Variants in CTCF observed in about 807,000 individuals in gnomAD.
CTCF encodes the protein transcriptional repressor CTCF.
CTCF carries 7 observed loss-of-function variants against 72.3 expected under a neutral mutation model. That is an observed-to-expected ratio of 0.10 (90% CI 0.06 to 0.18). The LOEUF is 0.18. CTCF is among the 10% of genes least tolerant of loss of function. CTCF has a pLI of 1.00. For missense variants in CTCF, 516 were observed against 949.1 expected (o/e 0.54, Z 6.00); for synonymous variants, 374 against 315.8 (o/e 1.18, Z -1.95).
chr16:67,627,140 T>G (rs1049087688), intron 8 of CTCF: 1 of 153,118 alleles, frequency 6.5e-6, no homozygotes, highest in African/African-American at 2.4e-5. Flanking sequence ...ACACCTGTAA[T>G]CCTAGCACTT....
chr16:67,566,515 T>TAAAAAAAAAA (rs377253111), intron 1 of CTCF, among the ~76,000 whole-genome samples: 1 of 76,274 alleles, frequency 1.3e-5, no homozygotes, highest in Non-Finnish European at 2.5e-5. Flanking sequence ...GTCTCAAAAT[T>TAAAAAAAAAA]AAAAAAAAAA....
At chr16:67,621,358 A>G (rs949272959) in intron 6 of CTCF, 84 bp from the exon 7 acceptor site, 157 of 991,146 alleles carry the variant, frequency 1.6e-4, no homozygotes, top group Non-Finnish European at 2.4e-4. Context: ...GTGGTGTAGC[A>G]TATCTGCCAC....
chr16:67,633,651 T>C (rs932979799), intron 10 of CTCF, among the ~76,000 whole-genome samples: 6 of 152,068 alleles, frequency 3.9e-5, no homozygotes, highest in Non-Finnish European at 5.9e-5. Flanking sequence ...AAGCCTGTAA[T>C]CCTAACACTT....
intron 7 of CTCF, among the ~76,000 whole-genome samples, chr16:67,623,634 A>G (rs2052234523): frequency 6.8e-6 from 1 of 147,936 alleles, no homozygotes; most frequent in Admixed American, 6.7e-5. Flanking sequence ...CCCCATCTCA[A>G]AAAAAAAAAA....
intron 2 of CTCF, among the ~76,000 whole-genome samples, chr16:67,571,859 A>G (rs574310479): frequency 1.4e-4 from 22 of 152,300 alleles, no homozygotes; most frequent in African/African-American, 5.1e-4. Flanking sequence ...ATAAAATATA[A>G]TGGACATTAT....
In CTCF at chr16:67,566,745, A is replaced by G. The variant is rs770377546; in HGVS notation, c.-127+4021A>G. Among the ~76,000 whole-genome samples the G allele has an allele frequency of 2.0e-5, 3 of 150,976 alleles. No individual in the cohort carries two copies. The East Asian group carries it at 6.0e-4, about 30-fold the overall frequency. On this transcript the variant is annotated intron_variant, in intron 1 of 11. Coordinates refer to ENST00000264010, the MANE Select transcript of CTCF (RefSeq NM_006565.4). ...CAGGCGCCTGCCACCACGCCTGGCT[A>G]ATTTTTTGTATTTTTAGTAGAGACG...
intron 2 of CTCF, among the ~76,000 whole-genome samples, chr16:67,606,373 C>T (rs2051973316): frequency 6.6e-6 from 1 of 152,206 alleles, no homozygotes; most frequent in African/African-American, 2.4e-5. Context: ...TCTATCACAC[C>T]TGGTTATGTT....
chr16:67,586,091 A>G (rs1471648687), intron 2 of CTCF, among the ~76,000 whole-genome samples: 3 of 152,140 alleles, frequency 2.0e-5, no homozygotes, highest in African/African-American at 7.2e-5. Flanking sequence ...ACTTGTTTTA[A>G]TCATCTTGGT....
chr16:67,586,620 C>T (rs924712046), intron 2 of CTCF, among the ~76,000 whole-genome samples: 4 of 151,892 alleles, frequency 2.6e-5, no homozygotes, highest in Admixed American at 2.6e-4. Context: ...CTTGAACCCC[C>T]TGGGAGGTGG....
Position 67,607,480 on chromosome 16 carries a change from A to G in CTCF, c.-9-3344A>G, listed in dbSNP as rs542976782. ...ACCACTACGCCTGGCTAATTTTTGTATTTTTAGTAGAGATGGGGTTTTGCC... is the reference window on the plus strand; with the variant it reads ...ACCACTACGCCTGGCTAATTTTTGTGTTTTTAGTAGAGATGGGGTTTTGCC... On this transcript the variant is annotated intron_variant, in intron 2 of 11. Coordinates refer to ENST00000264010, the MANE Select transcript of CTCF (RefSeq NM_006565.4). Among the ~76,000 whole-genome samples the G allele has an allele frequency of 6.0e-5, 9 of 150,970 alleles. No homozygotes were observed. In the South Asian group the frequency reaches 1.7e-3, roughly 28 times the overall value.
intron 2 of CTCF, among the ~76,000 whole-genome samples, chr16:67,590,264 A>G (rs2051723319): frequency 6.6e-6 from 1 of 152,026 alleles, no homozygotes; most frequent in Non-Finnish European, 1.5e-5. Flanking sequence ...GCCATTACAA[A>G]TATTTTATTA....
At chr16:67,625,893 A>G (rs1259818003) in intron 7 of CTCF, among the ~76,000 whole-genome samples, 1 of 146,666 alleles carries the variant, frequency 6.8e-6, no homozygotes, top group Non-Finnish European at 1.5e-5. Context: ...AATGACCCCA[A>G]CAGCTACCTG....
At chr16:67,562,908 C>A (rs1479212787) in intron 1 of CTCF, among the ~76,000 whole-genome samples, 184 bp downstream of exon 1, 3 of 129,860 alleles carry the variant, frequency 2.3e-5, no homozygotes, top group African/African-American at 9.5e-5. Flanking sequence ...GCCCGGCCGC[C>A]CCCCCCACCC....
intron 10 of CTCF, among the ~76,000 whole-genome samples, chr16:67,629,916 A>G (rs544617150): frequency 1.9e-4 from 28 of 150,458 alleles, no homozygotes; most frequent in Admixed American, 4.0e-4. Context: ...CTGTGACTAC[A>G]GGCGCCCACC....
chr16:67,625,849 T>A lies in CTCF; in HGVS notation c.1358-706T>A, dbSNP rs559951916. 2.5e-5 allele frequency among the ~76,000 whole-genome samples: 3 copies of A among 118,144 alleles called. No homozygotes were observed. In the East Asian group the frequency reaches 8.7e-4, roughly 34 times the overall value. The allele number at this position is 118,144 out of a possible 152,430, so 77.5% of individuals were successfully genotyped here. A position where few individuals can be genotyped will look rare whatever the true frequency, so the allele number is the denominator to read the frequency against. The stretch of plus-strand genomic sequence containing the variant: ...CCTGAAAATAACACATACAACTTGG[T>A]CTTAAGCCCTCTTCCACTATTCTTG... On this transcript the variant is annotated intron_variant, in intron 7 of 11. Transcript: ENST00000264010.
chr16:67,636,724 TGAG>T lies in CTCF; in HGVS notation c.1879_1881del (p.Glu627del), dbSNP rs1185128485. The T allele has an allele frequency of 6.2e-7, 1 of 1,609,778 alleles. No individual in the cohort carries two copies. The highest frequency in any genetic ancestry group is 2.2e-5 in the East Asian group (1 of 44,638). On this transcript the variant is annotated inframe_deletion, in exon 11 of 12. Transcript: ENST00000264010. ...AACCAGATCTGGACGACAATGAGGA[TGAG>T]GAGGAGCCTGCCGTAGAAATTGAAC...
intron 2 of CTCF, among the ~76,000 whole-genome samples, chr16:67,602,928 G>C (rs138878270): frequency 6.6e-6 from 1 of 152,022 alleles, no homozygotes; most frequent in South Asian, 2.1e-4. Context: ...AATTCTGTGG[G>C]TCAAGGGTGG....
At chr16:67,574,025 A>G (rs1187483150) in intron 2 of CTCF, among the ~76,000 whole-genome samples, 1 of 151,586 alleles carries the variant, frequency 6.6e-6, no homozygotes, top group Non-Finnish European at 1.5e-5. Context: ...GCGAGACTCC[A>G]TCTCAAAAAA....
intron 10 of CTCF, among the ~76,000 whole-genome samples, chr16:67,630,565 G>A (rs2052349603): frequency 6.6e-6 from 1 of 152,004 alleles, no homozygotes; most frequent in Non-Finnish European, 1.5e-5. Flanking sequence ...GACCAGCCTG[G>A]GGAACATGGC....
Sources: gnomAD v4.1 joint callset for allele counts (sites outside exome capture counted in the v4.1 genomes callset) on GRCh38, gnomAD v4.1.1 for gene constraint, MANE v1.5 for transcripts, NCBI Gene and HGNC (gene_info 2026-07-23, HGNC 2026-07-21) for gene names.